Variants in DENND2A observed in about 807,000 individuals in gnomAD.
The protein encoded by DENND2A is DENN domain containing 2A.
Under a neutral mutation model 105.3 loss-of-function variants are expected in DENND2A, and 53 were observed. The observed-to-expected ratio is 0.50, with a 90% CI of 0.40 to 0.63. DENND2A has a LOEUF of 0.63. DENND2A is among the 30% of genes least tolerant of loss of function. The pLI is 0.00. For missense variants in DENND2A, 1,138 were observed against 1,279.6 expected (o/e 0.89, Z 1.69); for synonymous variants, 522 against 508.4 (o/e 1.03, Z -0.36).
At chr7:140,614,709 A>G (rs1800021844) in intron 1 of DENND2A, among the ~76,000 whole-genome samples, 1 of 152,230 alleles carries the variant, frequency 6.6e-6, no homozygotes, top group African/African-American at 2.4e-5. Flanking sequence ...TTGTCTGAGC[A>G]TTCTTAGCAA....
rs76718739 is a variant in DENND2A, at chr7:140,608,968, C to G, written c.-247-3162G>C. Among the ~76,000 whole-genome samples the G allele has an allele frequency of 6.0e-3, 915 of 152,200 alleles. 6 individuals carry two copies. Among genetic ancestry groups the G allele is most frequent in the African/African-American group, 0.02 (849 of 41,520 alleles). ...CATTTAAATATGGTAAATCAAAGGT[C>G]GCAGAGGCCAATGTCCTGGCATGGG... On this transcript the variant is annotated intron_variant, in intron 1 of 19. Coordinates refer to ENST00000496613, the MANE Select transcript of DENND2A (RefSeq NM_015689.5).
chr7:140,608,532 C>T (rs886642415), intron 1 of DENND2A, among the ~76,000 whole-genome samples: 9 of 151,940 alleles, frequency 5.9e-5, no homozygotes, highest in African/African-American at 2.2e-4. Flanking sequence ...AAAAATTAAC[C>T]GGGTGTGCTG....
chr7:140,612,203 C>T (rs1016932171), intron 1 of DENND2A, among the ~76,000 whole-genome samples: 44 of 150,322 alleles, frequency 2.9e-4, no homozygotes, highest in African/African-American at 1.0e-3. Flanking sequence ...ATTGCCCCAT[C>T]GCACTCCAGC....
intron 3 of DENND2A, among the ~76,000 whole-genome samples, chr7:140,590,334 G>A (rs910630004): frequency 2.6e-5 from 4 of 152,118 alleles, no homozygotes; most frequent in African/African-American, 9.7e-5. Flanking sequence ...AAGTTGCAGT[G>A]AGCTGAGATT....
chr7:140,565,976 GAAT>G (rs1373933823), intron 9 of DENND2A, among the ~76,000 whole-genome samples: 1 of 152,198 alleles, frequency 6.6e-6, no homozygotes, highest in Non-Finnish European at 1.5e-5. Context: ...GGGGAGGCAT[GAAT>G]AATCCACCCC....
chr7:140,617,783 T>C (rs1800138022), intron 1 of DENND2A, among the ~76,000 whole-genome samples: 1 of 152,196 alleles, frequency 6.6e-6, no homozygotes, highest in Admixed American at 6.5e-5. Flanking sequence ...GTCTGACAAA[T>C]GAAGCCGCTG....
intron 5 of DENND2A, among the ~76,000 whole-genome samples, chr7:140,581,932 G>C (rs371060487): frequency 1.3e-5 from 2 of 151,658 alleles, no homozygotes; most frequent in African/African-American, 4.8e-5. Context: ...TCAGGGAGGA[G>C]CGTTCTGCCC....
Position 140,536,386 on chromosome 7 carries a change from G to A in DENND2A, c.2327+8232C>T, listed in dbSNP as rs151302818. Among the ~76,000 whole-genome samples, 676 of 152,008 alleles carry A rather than the reference G, an allele frequency of 4.4e-3. 4 individuals are homozygous for A. Among genetic ancestry groups the A allele is most frequent in the Non-Finnish European group, 7.7e-3 (526 of 67,960 alleles). ...AAAAAAAAAAGAATCTCAGAGAAACGTGTCTGAGAGGTTTCCAGTGGCTGC... is the reference window on the plus strand; with the variant it reads ...AAAAAAAAAAGAATCTCAGAGAAACATGTCTGAGAGGTTTCCAGTGGCTGC... On this transcript the variant is annotated intron_variant, in intron 14 of 19. Coordinates refer to ENST00000496613, the MANE Select transcript of DENND2A (RefSeq NM_015689.5).
At chr7:140,572,215 C>T (rs1798121028) in intron 6 of DENND2A, among the ~76,000 whole-genome samples, 3 of 151,748 alleles carry the variant, frequency 2.0e-5, no homozygotes, top group South Asian at 4.2e-4. Context: ...CCATGTTGCC[C>T]AGGCTGGTCT....
At chr7:140,586,712 C>G (rs73736622) in intron 4 of DENND2A, among the ~76,000 whole-genome samples, 2 of 152,166 alleles carry the variant, frequency 1.3e-5, no homozygotes, top group African/African-American at 2.4e-5. Context: ...CTGGGAATCC[C>G]GCTGCTTTGG....
At chr7:140,609,318 G>C (rs1051004902) in intron 1 of DENND2A, among the ~76,000 whole-genome samples, 3 of 152,196 alleles carry the variant, frequency 2.0e-5, no homozygotes, top group Non-Finnish European at 4.4e-5. Context: ...TTTGAGACCA[G>C]CCTGGCCAAC....
chr7:140,620,223 C>T (rs1203763645), intron 1 of DENND2A, among the ~76,000 whole-genome samples: 1 of 151,288 alleles, frequency 6.6e-6, no homozygotes, highest in Admixed American at 6.6e-5. Flanking sequence ...AAATTTTAAA[C>T]TGAAGCTAGA....
In DENND2A at chr7:140,559,853, A is replaced by C; in HGVS notation, c.1780-36T>G. ...AAAGGTGAGAGAAAATTCGAGAACA[A>C]ATCTCAGCATGGGAAATTGAGGCGG... is the stretch of plus-strand genomic sequence containing the variant. On this transcript the variant is annotated intron_variant, in intron 9 of 19. Transcript: ENST00000496613. This position sits in a 1 kb window ranked among gnomAD's most constrained non-coding sequence, Gnocchi z 4.1. The C allele has an allele frequency of 6.7e-7, 1 of 1,496,350 alleles. No homozygotes were observed. The highest frequency in any genetic ancestry group is 9.3e-7 in the Non-Finnish European group (1 of 1,074,460). The allele number at this position is 1,496,350 out of a possible 1,614,324, so 92.7% of individuals were successfully genotyped here.
chr7:140,620,477 C>A (rs1485134129), intron 1 of DENND2A, among the ~76,000 whole-genome samples: 1 of 151,242 alleles, frequency 6.6e-6, no homozygotes, highest in African/African-American at 2.4e-5. Context: ...TTTTTCCATT[C>A]TCTGACATCT....
At chr7:140,634,799 G>A (rs1800860195) in intron 1 of DENND2A, among the ~76,000 whole-genome samples, 1 of 152,044 alleles carries the variant, frequency 6.6e-6, no homozygotes, top group South Asian at 2.1e-4. Context: ...TTGAAGCTGA[G>A]AGGCAGAGGT....
chr7:140,573,719 A>G (rs1273229897), intron 6 of DENND2A, 89 bp downstream of exon 6: 2 of 1,398,392 alleles, frequency 1.4e-6, no homozygotes, highest in Non-Finnish European at 2.0e-6. Context: ...GGGGCCAGTG[A>G]TGTATTCTCC....
At chr7:140,618,833 T>A (rs543972872) in intron 1 of DENND2A, among the ~76,000 whole-genome samples, 102 of 152,268 alleles carry the variant, frequency 6.7e-4, no homozygotes, top group Non-Finnish European at 1.1e-3. Flanking sequence ...AGACGGAGTC[T>A]TGCTCTGTCG....
chr7:140,617,902 G>A (rs1800142384), intron 1 of DENND2A, among the ~76,000 whole-genome samples: 1 of 152,124 alleles, frequency 6.6e-6, no homozygotes, highest in Non-Finnish European at 1.5e-5. Flanking sequence ...AACCCGGGAA[G>A]GATTTTTTCA....
In DENND2A at chr7:140,599,047, T is replaced by C. The variant is rs73165437; in HGVS notation, c.995+2356A>G. Among the ~76,000 whole-genome samples the C allele has an allele frequency of 3.8e-4, 58 of 152,166 alleles. 1 individual carries two copies. Among genetic ancestry groups the C allele is most frequent in the Non-Finnish European group, 2.2e-4 (15 of 68,008 alleles). On this transcript the variant is annotated intron_variant, in intron 3 of 19. Coordinates refer to ENST00000496613, the MANE Select transcript of DENND2A (RefSeq NM_015689.5). ...CTATAAGCTCTACTAGATATTAAAA[T>C]ACATTATGGTCTGGGTGTGGGGCTC... is the stretch of plus-strand genomic sequence containing the variant.
Sources: gnomAD v4.1 joint callset for allele counts (sites outside exome capture counted in the v4.1 genomes callset) on GRCh38, gnomAD v4.1.1 for gene constraint, Gnocchi (gnomAD v3.1) non-coding constraint, MANE v1.5 for transcripts, NCBI Gene and HGNC (gene_info 2026-07-23, HGNC 2026-07-21) for gene names.